LRRK1: variants seen among roughly 807,000 people sequenced by gnomAD.
The protein encoded by LRRK1 is leucine-rich repeat serine/threonine-protein kinase 1.
Under a neutral mutation model 209.1 loss-of-function variants are expected in LRRK1, and 113 were observed. The ratio of observed to expected loss-of-function variants is 0.54; its 90% CI spans 0.46 to 0.63. The LOEUF is 0.63. Among genes scored for constraint, LRRK1 ranks in the 30% least tolerant of loss-of-function variants. The pLI, the probability that LRRK1 is intolerant of heterozygous loss-of-function variation, is 0.00. For missense variants in LRRK1, 2,284 were observed against 2,632.2 expected, an observed-to-expected ratio of 0.87 and a Z score of 2.89; for synonymous variants, 1,144 against 1,099.7, an observed-to-expected ratio of 1.04 and a Z score of -0.80.
intron 1 of LRRK1, among the ~76,000 whole-genome samples, chr15:100,921,613 T>G (rs534860763): frequency 6.6e-6 from 1 of 152,212 alleles, no homozygotes; most frequent in African/African-American, 2.4e-5. Flanking sequence ...GTCAGAAGCT[T>G]TATAGCAATT....
intron 1 of LRRK1, among the ~76,000 whole-genome samples, chr15:100,924,283 G>A (rs547833036): frequency 6.6e-6 from 1 of 152,274 alleles, no homozygotes; most frequent in South Asian, 2.1e-4. Flanking sequence ...CAATTGTCTG[G>A]GGTTTGTTTG....
rs543767595 is a variant in LRRK1, at chr15:101,071,781, T to C, written c.*2933T>C. The C allele has an allele frequency of 6.6e-6, 1 of 152,318 alleles. No homozygotes were observed. Among genetic ancestry groups the C allele is most frequent in the Non-Finnish European group, 1.5e-5 (1 of 68,036 alleles). The allele number at this position is 152,318 out of a possible 1,614,324, so 9.4% of individuals were successfully genotyped here. ...ATAGCAGGGCAGCCGGACCACCCAGTTGGGCAATTCGTGGCTTGGCCTAGG... is the reference window on the plus strand; with the variant it reads ...ATAGCAGGGCAGCCGGACCACCCAGCTGGGCAATTCGTGGCTTGGCCTAGG... On this transcript the variant is annotated 3_prime_UTR_variant, in exon 34 of 34. Coordinates refer to ENST00000388948, the MANE Select transcript of LRRK1 (RefSeq NM_024652.6).
intron 27 of LRRK1, 105 bp from the exon 28 acceptor site, chr15:101,056,751 G>A (rs2035831022): frequency 1.2e-6 from 1 of 859,526 alleles, no homozygotes; most frequent in Non-Finnish European, 1.8e-6. Flanking sequence ...TTGAATGTTT[G>A]TTTTCCTTGT....
At chr15:100,994,829 G>A (rs189898549) in intron 6 of LRRK1, among the ~76,000 whole-genome samples, 2 of 152,274 alleles carry the variant, frequency 1.3e-5, no homozygotes, top group East Asian at 3.9e-4. Flanking sequence ...CTTCGGTGCT[G>A]CTGGCAGAAG....
At chr15:100,939,402 G>A (rs778706518) in intron 2 of LRRK1, among the ~76,000 whole-genome samples, 6 of 152,114 alleles carry the variant, frequency 3.9e-5, no homozygotes, top group Non-Finnish European at 7.4e-5. Context: ...CTATGTTTTT[G>A]TAGATCCAGA....
At chr15:100,957,910 G>A (rs1038025650) in intron 2 of LRRK1, among the ~76,000 whole-genome samples, 1 of 152,150 alleles carries the variant, frequency 6.6e-6, no homozygotes, top group Non-Finnish European at 1.5e-5. Flanking sequence ...CTGTCACCCT[G>A]GCTGGAGTGC....
intron 2 of LRRK1, among the ~76,000 whole-genome samples, chr15:100,933,960 G>A (rs966367094): frequency 4.7e-5 from 7 of 149,866 alleles, no homozygotes; most frequent in South Asian, 2.1e-4. Flanking sequence ...TTTTCATAGC[G>A]TTGTGCTCCT....
chr15:101,034,776 T>C (rs1431425604), intron 20 of LRRK1, among the ~76,000 whole-genome samples: 1 of 152,106 alleles, frequency 6.6e-6, no homozygotes. Flanking sequence ...AATCCATTAT[T>C]GATCTGTTCA....
Position 101,062,557 on chromosome 15 carries a change from C to G in LRRK1, c.4798-17C>G. 1 of 1,542,356 alleles carries G rather than the reference C, an allele frequency of 6.5e-7. No homozygotes were observed. The highest frequency in any genetic ancestry group is 9.0e-7 in the Non-Finnish European group (1 of 1,114,642). On this transcript the variant is annotated splice_polypyrimidine_tract_variant and intron_variant, in intron 30 of 33. Coordinates refer to ENST00000388948, the MANE Select transcript of LRRK1 (RefSeq NM_024652.6). The stretch of plus-strand genomic sequence containing the variant: ...TTTCCAGCCTGGGTCTCACAGTGGA[C>G]CTGTCTGCCTCTGCAGGACCAGAAA...
intron 33 of LRRK1, among the ~76,000 whole-genome samples, chr15:101,068,231 T>A (rs778474737): frequency 5.3e-5 from 8 of 152,226 alleles, no homozygotes; most frequent in Non-Finnish European, 1.0e-4. Flanking sequence ...TGATCCTGTA[T>A]TTCCTAAGCC....
At chr15:101,047,972 T>TATTA (rs2035180775) in intron 21 of LRRK1, among the ~76,000 whole-genome samples, 1 of 152,200 alleles carries the variant, frequency 6.6e-6, no homozygotes, top group African/African-American at 2.4e-5. Context: ...CTTAATAGAA[T>TATTA]ATTAAACTTT....
intron 6 of LRRK1, among the ~76,000 whole-genome samples, chr15:100,990,021 A>C (rs1406579106): frequency 1.3e-5 from 2 of 152,142 alleles, no homozygotes; most frequent in Admixed American, 1.3e-4. Flanking sequence ...CAAAATTATG[A>C]ATCTTCTGCC....
chr15:101,077,951 T>TA lies in LRRK1; in HGVS notation c.*9103_*9104insA, dbSNP rs2037038106. ...AATCACAAAAGAAGTGAATATGCCC[T>TA]GCCCCACCTTAACTGATGACATTCC... On this transcript the variant is annotated 3_prime_UTR_variant, in exon 34 of 34. Transcript: ENST00000388948. 2 of 153,172 alleles carry TA rather than the reference T, an allele frequency of 1.3e-5. No homozygotes were observed. The highest frequency in any genetic ancestry group is 2.9e-5 in the Non-Finnish European group (2 of 68,756). 9.5% of individuals were successfully genotyped at this position (153,172 alleles called of 1,614,324 possible).
chr15:101,012,947 C>T (rs2033343022), intron 10 of LRRK1, among the ~76,000 whole-genome samples: 1 of 152,168 alleles, frequency 6.6e-6, no homozygotes, highest in African/African-American at 2.4e-5. Flanking sequence ...TACTCCTGGC[C>T]TTCAGGCCTT....
chr15:101,055,936 T>C (rs72766862), intron 27 of LRRK1, among the ~76,000 whole-genome samples: 15,880 of 152,220 alleles, frequency 0.1, 1,484 homozygotes, highest in East Asian at 0.49. Context: ...GGTCATTGAC[T>C]AATTCCTGTA....
At chr15:100,971,917 C>G (rs1004955587) in intron 2 of LRRK1, among the ~76,000 whole-genome samples, 2 of 152,016 alleles carry the variant, frequency 1.3e-5, no homozygotes, top group African/African-American at 4.8e-5. Flanking sequence ...TTATTTCACT[C>G]AAGATAATGA....
chr15:101,062,384 AGTCT>A (rs1416021319), intron 30 of LRRK1, 186 bp from the exon 31 acceptor site: 12 of 551,714 alleles, frequency 2.2e-5, no homozygotes, highest in Non-Finnish European at 3.2e-5. Context: ...TCTTTAGACT[AGTCT>A]GTCTTTTTCA....
At chr15:100,985,054 T>C (rs1465763837) in intron 4 of LRRK1, among the ~76,000 whole-genome samples, 1 of 152,234 alleles carries the variant, frequency 6.6e-6, no homozygotes, top group East Asian at 1.9e-4. Flanking sequence ...GCCTCACCCC[T>C]TATATAGTGG....
At position 101,010,884 on chromosome 15, in the gene LRRK1, C is replaced by G. The variant is rs780499476; in HGVS notation, c.1281+47C>G. ...ATGAAAGCCACAGTCAACTCTGCCT[C>G]TCAGCTGGCCTCAGAGAGCCCTCAG... On this transcript the variant is annotated intron_variant, in intron 9 of 33. Transcript: ENST00000388948. The G allele has an allele frequency of 3.9e-6, 6 of 1,557,330 alleles. No homozygotes were observed. In the East Asian group the frequency reaches 1.3e-4, roughly 35 times the overall value.
Sources: allele counts gnomAD v4.1 joint callset (sites outside exome capture counted in the v4.1 genomes callset), GRCh38; gene constraint gnomAD v4.1.1; transcripts MANE v1.5; gene names NCBI Gene and HGNC (gene_info 2026-07-23, HGNC 2026-07-21).